The following DCAF8L2 variants were observed in gnomAD, a reference collection of about 807,000 sequenced individuals.
DCAF8L2 encodes the protein DDB1 and CUL4 associated factor 8 like 2.
For synonymous variants in DCAF8L2, 200 were observed against 190.9 expected, an observed-to-expected ratio of 1.05 and a Z score of -0.39; for missense variants, 430 against 490.7, an observed-to-expected ratio of 0.88 and a Z score of 1.17.
intron 3 of DCAF8L2, among the ~76,000 whole-genome samples, chrX:27,696,336 G>A (rs1262973272): frequency 1.0e-5 from 1 of 100,162 alleles, no homozygotes; most frequent in Non-Finnish European, 2.1e-5. Flanking sequence ...GAAAGAAAAA[G>A]AAAGAAAGAG....
chrX:27,713,932 T>G (rs747903968), intron 3 of DCAF8L2, among the ~76,000 whole-genome samples: 1 of 111,511 alleles, frequency 9.0e-6, no homozygotes, highest in Non-Finnish European at 1.9e-5. Flanking sequence ...AATATACAAG[T>G]ATAGAGATTA....
chrX:27,723,895 T>C (rs1931984271), intron 4 of DCAF8L2, among the ~76,000 whole-genome samples: 1 of 111,050 alleles, frequency 9.0e-6, no homozygotes. Context: ...AGAATGAGTA[T>C]AGCGTTTATG....
chrX:27,533,651 A>G, the DCAF8L2 span, among the ~76,000 whole-genome samples: 19 of 111,471 alleles, frequency 1.7e-4, no homozygotes, highest in Non-Finnish European at 1.9e-5. Flanking sequence ...ATTCTTGACA[A>G]AAATGCACAA....
the DCAF8L2 span, among the ~76,000 whole-genome samples, chrX:27,573,219 C>T: frequency 9.9e-6 from 1 of 100,533 alleles, no homozygotes; most frequent in African/African-American, 3.7e-5. Flanking sequence ...AATAAAAGAA[C>T]AGGTATTTAA....
chrX:27,548,683 T>C, the DCAF8L2 span, among the ~76,000 whole-genome samples: 17 of 111,884 alleles, frequency 1.5e-4, no homozygotes, highest in African/African-American at 4.9e-4. Context: ...CATACAGATA[T>C]AAGGTTTGAT....
rs367592851 is a variant in DCAF8L2, at chrX:27,747,856, G to A, written c.961G>A (p.Ala321Thr). ...TKCVAQHRGP[A>T]HKLALEPDSP... ...GTGTGTGGCCCAGCACAGGGGACCT[G>A]CCCACAAGTTGGCTCTGGAGCCTGA... The change falls in exon 5 of 5, where the codon GCC (alanine) becomes ACC (threonine). Residue 321 changes from alanine to threonine, a missense_variant. Ala to Thr is a moderately conservative substitution (Grantham distance 58). Transcript: ENST00000451261. The A allele has an allele frequency of 3.4e-5, 41 of 1,208,650 alleles. No individual in the cohort carries two copies. The African/African-American group carries it at 4.4e-4, about 13-fold the overall frequency.
chrX:27,689,683 A>G (rs1930641442), intron 3 of DCAF8L2, among the ~76,000 whole-genome samples: 2 of 112,826 alleles, frequency 1.8e-5, no homozygotes, highest in South Asian at 7.2e-4. Context: ...ATACAGGCTG[A>G]CAGCAGACAA....
chrX:27,516,513 C>T, the DCAF8L2 span, among the ~76,000 whole-genome samples: 1 of 109,094 alleles, frequency 9.2e-6, no homozygotes, highest in South Asian at 4.0e-4. Context: ...CTCTCTCTCT[C>T]TTATTCTCTC....
intron 3 of DCAF8L2, among the ~76,000 whole-genome samples, chrX:27,685,077 G>A (rs1291072295): frequency 9.0e-6 from 1 of 111,584 alleles, no homozygotes; most frequent in African/African-American, 3.3e-5. Context: ...TCAGCATTGT[G>A]CACTAAACTT....
At chrX:27,616,471 T>A in intron 1 of DCAF8L2, among the ~76,000 whole-genome samples, 1 of 111,631 alleles carries the variant, frequency 9.0e-6, no homozygotes, top group Non-Finnish European at 1.9e-5. Flanking sequence ...TAGCAGATTT[T>A]AAAAAATTAT....
At chrX:27,585,174 T>A in the DCAF8L2 span, among the ~76,000 whole-genome samples, 1 of 111,675 alleles carries the variant, frequency 9.0e-6, no homozygotes, top group Admixed American at 9.6e-5. Context: ...TAGCTCTTAC[T>A]ATTTCATCGT....
chrX:27,733,663 T>C (rs1161601191), intron 4 of DCAF8L2, among the ~76,000 whole-genome samples: 1 of 111,954 alleles, frequency 8.9e-6, no homozygotes, highest in East Asian at 2.8e-4. Context: ...CAATTTCATT[T>C]CTTATATTTA....
the DCAF8L2 span, among the ~76,000 whole-genome samples, chrX:27,503,874 G>C: frequency 1.8e-5 from 2 of 111,716 alleles, no homozygotes; most frequent in East Asian, 5.6e-4. Context: ...TTTACTAAAA[G>C]AACACACTAG....
rs372427910 is a variant in DCAF8L2, at chrX:27,747,890, A to G, written c.995A>G (p.Tyr332Cys). 32 of 1,209,375 alleles carry G rather than the reference A, an allele frequency of 2.6e-5. No individual in the cohort carries two copies. In the African/African-American group the frequency reaches 4.4e-4, roughly 16 times the overall value. ...TTGGCTCTGGAGCCTGACTCTCCTTATAAGTTCCTCACTTCAGGTGAAGAT... is the reference window on the plus strand; with the variant it reads ...TTGGCTCTGGAGCCTGACTCTCCTTGTAAGTTCCTCACTTCAGGTGAAGAT... ...HKLALEPDSP[Y>C]KFLTSGEDAV... Residue 332 changes from tyrosine (Y) to cysteine (C), a missense_variant, in exon 5 of 5, where the codon TAT becomes TGT. Transcript: ENST00000451261.
At chrX:27,697,862 AAG>A (rs1226861737) in intron 3 of DCAF8L2, among the ~76,000 whole-genome samples, 1 of 110,864 alleles carries the variant, frequency 9.0e-6, no homozygotes, top group Non-Finnish European at 1.9e-5. Flanking sequence ...GGGAAGAAGA[AAG>A]AGAGAAAGAA....
intron 1 of DCAF8L2, among the ~76,000 whole-genome samples, chrX:27,626,630 G>A (rs1385893368): frequency 1.8e-5 from 2 of 111,919 alleles, no homozygotes; most frequent in Non-Finnish European, 3.8e-5. Context: ...TAATTAATTT[G>A]ATATGTAATA....
chrX:27,612,900 T>A (rs1445505624), intron 1 of DCAF8L2, among the ~76,000 whole-genome samples: 1 of 111,936 alleles, frequency 8.9e-6, no homozygotes, highest in African/African-American at 3.3e-5. Flanking sequence ...CCACCTTTGT[T>A]GTTTTTGCTG....
chrX:27,668,150 A>G (rs746302798), intron 2 of DCAF8L2, among the ~76,000 whole-genome samples: 35 of 111,613 alleles, frequency 3.1e-4, no homozygotes, highest in African/African-American at 1.1e-3. Context: ...ATTGCTGGGC[A>G]TGGGGAAAAA....
chrX:27,614,055 G>A (rs999759959), intron 1 of DCAF8L2, among the ~76,000 whole-genome samples: 1 of 111,403 alleles, frequency 9.0e-6, no homozygotes, highest in Admixed American at 9.5e-5. Flanking sequence ...ACCTCTGGTA[G>A]AATTCGGCTG....
Sources: gnomAD v4.1 joint callset for allele counts (sites outside exome capture counted in the v4.1 genomes callset) on GRCh38, gnomAD v4.1.1 for gene constraint, MANE v1.5 for transcripts, NCBI Gene and HGNC (gene_info 2026-07-23, HGNC 2026-07-21) for gene names.